The following ITGAV variants were observed in gnomAD, a reference collection of about 807,000 sequenced individuals.
The protein encoded by ITGAV is integrin subunit alpha V.
In ITGAV, 76 loss-of-function variants were observed where a neutral mutation model predicts 143.8. That is an observed-to-expected ratio of 0.53 (90% CI 0.44 to 0.64). The LOEUF (loss-of-function observed/expected upper bound fraction) is 0.64. Ranked by LOEUF, ITGAV falls within the 30% of genes least tolerant of loss-of-function variation. ITGAV has a pLI of 0.00. For missense variants in ITGAV, 1,193 were observed against 1,274.7 expected (o/e 0.94, Z 0.98); for synonymous variants, 453 against 446.7 (o/e 1.01, Z -0.18).
Position 186,602,098 on chromosome 2 carries a change from A to C in ITGAV, c.263A>C (p.Lys88Thr). Residue 88 changes from lysine to threonine, a missense_variant, in exon 2 of 30, where the codon AAA becomes ACA. Coordinates refer to ENST00000261023, the MANE Select transcript of ITGAV (RefSeq NM_002210.5). ...ATTGTGGAAGGAGGGCAGGTCCTCA[A>C]ATGTGACTGGTCTTCTACCCGCCGG... The part of the protein sequence containing the change: ...PGIVEGGQVL[K>T]CDWSSTRRCQ... 3.1e-6 allele frequency: 5 copies of C among 1,613,674 alleles called. No individual in the cohort carries two copies. The highest frequency in any genetic ancestry group is 3.4e-6 in the Non-Finnish European group (4 of 1,179,704).
chr2:186,624,608 C>T (rs1392757798), intron 3 of ITGAV, among the ~76,000 whole-genome samples: 1 of 152,064 alleles, frequency 6.6e-6, no homozygotes, highest in African/African-American at 2.4e-5. Context: ...CACTTTGCTT[C>T]AAAAAGTATT....
At chr2:186,638,637 T>C (rs1304631932) in intron 10 of ITGAV, among the ~76,000 whole-genome samples, 172 bp downstream of exon 10, 4 of 99,672 alleles carry the variant, frequency 4.0e-5, no homozygotes, top group African/African-American at 1.3e-4. Flanking sequence ...TGAGCGTGTG[T>C]GTGTGTGTGT....
At chr2:186,633,180 A>G (rs890324725) in intron 5 of ITGAV, 149 bp from the exon 6 acceptor site, 1 of 337,894 alleles carries the variant, frequency 3.0e-6, no homozygotes, top group Non-Finnish European at 5.3e-6. Context: ...TAAAAAATAT[A>G]ATTAACCTGG....
intron 12 of ITGAV, among the ~76,000 whole-genome samples, chr2:186,645,806 A>C (rs1416764590): frequency 6.6e-6 from 1 of 151,568 alleles, no homozygotes; most frequent in Non-Finnish European, 1.5e-5. Flanking sequence ...TCTCTACTGA[A>C]AAAAAAACAA....
chr2:186,650,050 G>GTACA (rs1688382375), intron 14 of ITGAV, among the ~76,000 whole-genome samples, 165 bp downstream of exon 14: 1 of 151,858 alleles, frequency 6.6e-6, no homozygotes, highest in African/African-American at 2.4e-5. Context: ...ATTTTTATTG[G>GTACA]TACATAATAA....
intron 4 of ITGAV, 71 bp from the exon 5 acceptor site, chr2:186,630,726 A>G (rs1687794472): frequency 1.2e-6 from 1 of 818,860 alleles, no homozygotes; most frequent in African/African-American, 1.7e-5. Flanking sequence ...TAGTGATATC[A>G]GATTTTCTCA....
chr2:186,650,572 C>CT lies in ITGAV; in HGVS notation c.1397+699dup, dbSNP rs879451319. Among the ~76,000 whole-genome samples, 508 of 142,702 alleles carry CT rather than the reference C, an allele frequency of 3.6e-3. 1 individual carries two copies. The highest frequency in any genetic ancestry group is 4.8e-3 in the African/African-American group (188 of 38,976). 93.6% of individuals were successfully genotyped at this position (142,702 alleles called of 152,430 possible). ...ACGGTGTTATTGAACACTAGAACTT[C>CT]TTTTTTTTTTTTGCCCAATCTGGAG... On this transcript the variant is annotated intron_variant, in intron 14 of 29. Transcript: ENST00000261023.
Position 186,665,187 on chromosome 2 carries a change from A to T in ITGAV, c.2135A>T (p.Asp712Val). Residue 712 changes from aspartate (D) to valine (V), a missense_variant, in exon 21 of 30, where the codon GAC (aspartate) becomes GTC (valine). Transcript: ENST00000261023. ...TENQTRQVVC[D>V]LGNPMKAGTQ... ...AACCAAACTCGCCAGGTGGTATGTG[A>T]CCTTGGAAACCCAATGAAGGCTGGA... The T allele has an allele frequency of 6.2e-7, 1 of 1,612,286 alleles. No individual in the cohort carries two copies. Among genetic ancestry groups the T allele is most frequent in the Non-Finnish European group, 8.5e-7 (1 of 1,179,234 alleles).
At position 186,653,138 on chromosome 2, in the gene ITGAV, G is replaced by T. The variant is rs1027248472; in HGVS notation, c.1505+1049G>T. The stretch of plus-strand genomic sequence containing the variant: ...TTTTTTGTATTTTTAGTAGAGACGG[G>T]GTTTCACCTTGTTAGCCAGGATGGT... On this transcript the variant is annotated intron_variant, in intron 15 of 29. Transcript: ENST00000261023. 2.6e-5 allele frequency among the ~76,000 whole-genome samples: 4 copies of T among 151,620 alleles called. No homozygotes were observed. The South Asian group carries it at 6.3e-4, about 24-fold the overall frequency.
At chr2:186,611,427 T>G (rs1384138375) in intron 2 of ITGAV, among the ~76,000 whole-genome samples, 1 of 152,164 alleles carries the variant, frequency 6.6e-6, no homozygotes, top group African/African-American at 2.4e-5. Flanking sequence ...GGTCTTGCTA[T>G]GTTAGACCAG....
At chr2:186,658,703 G>T (rs1015112862) in intron 17 of ITGAV, among the ~76,000 whole-genome samples, 1 of 151,976 alleles carries the variant, frequency 6.6e-6, no homozygotes, top group African/African-American at 2.4e-5. Flanking sequence ...GCAGAGGGAG[G>T]AAGAGAAAGA....
chr2:186,602,121 C>A lies in ITGAV; in HGVS notation c.286C>A (p.Arg96=), dbSNP rs200516634. The stretch of plus-strand genomic sequence containing the variant: ...CAAATGTGACTGGTCTTCTACCCGC[C>A]GGTGCCAGCCAATTGAATTTGATGC... ...VLKCDWSSTR[R]CQPIEFDATG... is the part of the protein sequence containing the mutation. Residue 96 remains arginine (R), a synonymous_variant, in exon 2 of 30, where the codon CGG becomes AGG. Coordinates refer to ENST00000261023, the MANE Select transcript of ITGAV (RefSeq NM_002210.5). The A allele has an allele frequency of 3.1e-6, 5 of 1,611,532 alleles. No homozygotes were observed. Among genetic ancestry groups the A allele is most frequent in the Non-Finnish European group, 3.4e-6 (4 of 1,178,624 alleles).
intron 2 of ITGAV, among the ~76,000 whole-genome samples, chr2:186,614,485 T>A (rs1057474816): frequency 2.0e-5 from 3 of 152,092 alleles, no homozygotes; most frequent in East Asian, 3.8e-4. Context: ...GTTTCAAGAT[T>A]TCTGATACAT....
At chr2:186,632,693 A>T (rs1161427934) in intron 5 of ITGAV, among the ~76,000 whole-genome samples, 1 of 152,144 alleles carries the variant, frequency 6.6e-6, no homozygotes, top group Non-Finnish European at 1.5e-5. Context: ...TATTTCCTTT[A>T]GCAGAAAATT....
intron 2 of ITGAV, among the ~76,000 whole-genome samples, chr2:186,604,848 C>T (rs1292446105): frequency 6.6e-6 from 1 of 152,064 alleles, no homozygotes; most frequent in Non-Finnish European, 1.5e-5. Context: ...TATGGCACTC[C>T]ATCCTTTCAG....
In ITGAV at chr2:186,598,294, TACACACAC is replaced by T. The variant is rs56789925; in HGVS notation, c.186-3699_186-3692del. ...TAATAAATTTACATATTATAATTTA[TACACACAC>T]ACACACACACACACACACACACACA... On this transcript the variant is annotated intron_variant, in intron 1 of 29. Coordinates refer to ENST00000261023, the MANE Select transcript of ITGAV (RefSeq NM_002210.5). Among the ~76,000 whole-genome samples the T allele has an allele frequency of 7.0e-3, 1,030 of 147,754 alleles. 10 individuals carry two copies. The highest frequency in any genetic ancestry group is 0.018 in the African/African-American group (716 of 39,758).
intron 12 of ITGAV, among the ~76,000 whole-genome samples, chr2:186,644,901 TC>T (rs1688211063): frequency 6.6e-6 from 1 of 152,008 alleles, no homozygotes; most frequent in Admixed American, 6.6e-5. Context: ...GGATGAGTGA[TC>T]AAGGCATCGT....
intron 24 of ITGAV, among the ~76,000 whole-genome samples, chr2:186,668,201 TA>T (rs1312465135): frequency 1.7e-3 from 30 of 17,684 alleles, no homozygotes; most frequent in Non-Finnish European, 3.6e-3. Flanking sequence ...TATATATATA[TA>T]TATATATATA....
intron 12 of ITGAV, among the ~76,000 whole-genome samples, chr2:186,642,012 A>G (rs1460515232): frequency 6.6e-6 from 1 of 152,138 alleles, no homozygotes; most frequent in Non-Finnish European, 1.5e-5. Context: ...CAAAGGTATG[A>G]TTTGCCATTA....
Sources: gnomAD v4.1 joint callset for allele counts (sites outside exome capture counted in the v4.1 genomes callset) on GRCh38, gnomAD v4.1.1 for gene constraint, MANE v1.5 for transcripts, NCBI Gene and HGNC (gene_info 2026-07-23, HGNC 2026-07-21) for gene names.